The following DNAJC3 variants were observed in gnomAD, a reference collection of about 807,000 sequenced individuals.
DNAJC3 encodes the protein dnaJ homolog subfamily C member 3.
DNAJC3 carries 38 observed loss-of-function variants against 68.6 expected under a neutral mutation model. The observed-to-expected ratio is 0.55, with a 90% CI of 0.43 to 0.73. The LOEUF (loss-of-function observed/expected upper bound fraction) is 0.73, where lower values mean the gene tolerates loss of function less well. Ranked by LOEUF, DNAJC3 falls within the 30% of genes least tolerant of loss-of-function variation. The probability of loss-of-function intolerance (pLI) is 0.00; values close to 1 mark genes in which losing one functional copy is unlikely to be tolerated. For missense variants in DNAJC3, 526 were observed against 591.9 expected (o/e 0.89, Z 1.16); for synonymous variants, 203 against 204.0 (o/e 1.00, Z 0.04).
chr13:95,683,849 CT>C (rs1459440437), intron 1 of DNAJC3, among the ~76,000 whole-genome samples: 1 of 145,184 alleles, frequency 6.9e-6, no homozygotes, highest in Non-Finnish European at 1.5e-5. Flanking sequence ...CAGAGAATTG[CT>C]TAAACCTGGG....
chr13:95,747,261 T>A (rs1025969903), intron 4 of DNAJC3, among the ~76,000 whole-genome samples: 6 of 152,182 alleles, frequency 3.9e-5, no homozygotes, highest in Non-Finnish European at 7.3e-5. Context: ...CAGGCAAATA[T>A]GATATATGAT....
At position 95,727,210 on chromosome 13, in the gene DNAJC3, A is replaced by G. The variant is rs183274931; in HGVS notation, c.393+1958A>G. Among the ~76,000 whole-genome samples the G allele has an allele frequency of 4.0e-5, 6 of 151,886 alleles. No homozygotes were observed. The East Asian group carries it at 1.2e-3, about 29-fold the overall frequency. On this transcript the variant is annotated intron_variant, in intron 4 of 11. Transcript: ENST00000602402. ...GTTACTTAGGTTTTTTTTTTTTCCAATTAAACTTGAGAGTAGTTTTTTAGA... is the reference window on the plus strand; with the variant it reads ...GTTACTTAGGTTTTTTTTTTTTCCAGTTAAACTTGAGAGTAGTTTTTTAGA...
Position 95,792,752 on chromosome 13 carries a change from A to C in DNAJC3, c.*1722A>C, listed in dbSNP as rs1352777008. 6.6e-6 allele frequency: 1 copy of C among 152,204 alleles called. No individual in the cohort carries two copies. Among genetic ancestry groups the C allele is most frequent in the African/African-American group, 2.4e-5 (1 of 41,452 alleles). 9.4% of individuals were successfully genotyped at this position (152,204 alleles called of 1,614,324 possible). ...TAATGTTTCAATTCAAGCCGGTGTA[A>C]AAATAATTTCCAAGGCATTTCTGTT... On this transcript the variant is annotated 3_prime_UTR_variant, in exon 12 of 12. Coordinates refer to ENST00000602402, the MANE Select transcript of DNAJC3 (RefSeq NM_006260.5).
At chr13:95,677,716 G>A (rs1384564723) in intron 1 of DNAJC3, among the ~76,000 whole-genome samples, 1 of 152,238 alleles carries the variant, frequency 6.6e-6, no homozygotes, top group Non-Finnish European at 1.5e-5. Flanking sequence ...TCAGTCATTG[G>A]TGCTGGCTGG....
chr13:95,739,048 G>C (rs1014249541), intron 4 of DNAJC3, among the ~76,000 whole-genome samples: 15 of 152,148 alleles, frequency 9.9e-5, no homozygotes, highest in African/African-American at 3.6e-4. Context: ...GCATTTGCTT[G>C]TCTGTAAAGG....
intron 4 of DNAJC3, among the ~76,000 whole-genome samples, chr13:95,733,770 T>C (rs1343626004): frequency 1.3e-5 from 2 of 150,430 alleles, no homozygotes; most frequent in South Asian, 2.1e-4. Flanking sequence ...TATTTAAATA[T>C]AGCTATTCTT....
At chr13:95,702,042 A>G (rs1566473446) in intron 1 of DNAJC3, among the ~76,000 whole-genome samples, 1 of 152,250 alleles carries the variant, frequency 6.6e-6, no homozygotes, top group African/African-American at 2.4e-5. Context: ...TTAAAAAAAT[A>G]CATTTCAAGA....
intron 9 of DNAJC3, 122 bp from the exon 10 acceptor site, chr13:95,785,817 C>A: frequency 1.1e-6 from 1 of 879,862 alleles, no homozygotes; most frequent in Non-Finnish European, 1.6e-6. Flanking sequence ...AGGTTTTTGG[C>A]AATAATGGCC....
intron 7 of DNAJC3, 115 bp from the exon 8 acceptor site, chr13:95,763,528 A>G: frequency 1.1e-6 from 1 of 923,634 alleles, no homozygotes; most frequent in Non-Finnish European, 1.6e-6. Flanking sequence ...ATCTGAAGCC[A>G]TGGGCTCATC....
intron 1 of DNAJC3, among the ~76,000 whole-genome samples, chr13:95,696,052 T>G (rs935240647): frequency 3.3e-5 from 5 of 152,202 alleles, no homozygotes; most frequent in Non-Finnish European, 5.9e-5. Flanking sequence ...TAAAGAGCCA[T>G]TCCACATGCA....
At chr13:95,696,507 G>T (rs1415691204) in intron 1 of DNAJC3, among the ~76,000 whole-genome samples, 1 of 152,118 alleles carries the variant, frequency 6.6e-6, no homozygotes, top group African/African-American at 2.4e-5. Flanking sequence ...CATGCATTTG[G>T]TATTTTTAAC....
chr13:95,706,807 C>A (rs1385455509), intron 1 of DNAJC3, among the ~76,000 whole-genome samples: 1 of 152,210 alleles, frequency 6.6e-6, no homozygotes, highest in Non-Finnish European at 1.5e-5. Context: ...TGTCCCCTTT[C>A]ACAGGAGAAA....
chr13:95,743,080 G>A, intron 4 of DNAJC3: 1 of 356,588 alleles, frequency 2.8e-6, no homozygotes, highest in Non-Finnish European at 5.5e-6. Context: ...TCAAAAATCA[G>A]TTGGCTGTAC....
chr13:95,773,542 A>G (rs1006031316), intron 9 of DNAJC3, among the ~76,000 whole-genome samples: 1 of 151,990 alleles, frequency 6.6e-6, no homozygotes, highest in African/African-American at 2.4e-5. Context: ...TGTAAGTTAC[A>G]TCTTTTAAGG....
chr13:95,738,708 T>C (rs1310156524), intron 4 of DNAJC3, among the ~76,000 whole-genome samples: 5 of 152,228 alleles, frequency 3.3e-5, no homozygotes, highest in African/African-American at 1.2e-4. Context: ...ATTTTGGGCT[T>C]ATGTGTGTCT....
rs1292968162 is a variant in DNAJC3, at chr13:95,704,849, G to GTTTTTTTT, written c.83-4377_83-4376insTTTTTTTT. 3.2e-4 allele frequency among the ~76,000 whole-genome samples: 33 copies of GTTTTTTTT among 102,870 alleles called. 1 individual carries two copies. The highest frequency in any genetic ancestry group is 2.4e-3 in the African/African-American group (33 of 13,684). The allele number at this position is 102,870 out of a possible 152,430, so 67.5% of individuals were successfully genotyped here. On this transcript the variant is annotated intron_variant, in intron 1 of 11. Transcript: ENST00000602402. Reference sequence around the variant, plus strand: ...TTAGAAAGGACTAATCTGTGTGTGTGTGTTTTTTTTTTTTTTTTTTGAGAC... The same window carrying GTTTTTTTT: ...TTAGAAAGGACTAATCTGTGTGTGTGTTTTTTTTTGTTTTTTTTTTTTTTTTTTGAGAC...
At chr13:95,725,789 G>A (rs1335878153) in intron 4 of DNAJC3, among the ~76,000 whole-genome samples, 5 of 147,910 alleles carry the variant, frequency 3.4e-5, no homozygotes, top group Admixed American at 2.0e-4. Context: ...TCGTCATTTA[G>A]CATTAGGTAT....
intron 1 of DNAJC3, among the ~76,000 whole-genome samples, chr13:95,686,347 C>T (rs908307166): frequency 3.9e-5 from 6 of 152,258 alleles, no homozygotes; most frequent in African/African-American, 1.2e-4. Context: ...AGTCCTTTGT[C>T]GGAGGCATAA....
intron 4 of DNAJC3, among the ~76,000 whole-genome samples, chr13:95,727,669 T>G (rs1881575618): frequency 6.6e-6 from 1 of 152,214 alleles, no homozygotes; most frequent in Non-Finnish European, 1.5e-5. Context: ...TTATCCGTAG[T>G]GTAAAACTAT....
Sources: allele counts gnomAD v4.1 joint callset (sites outside exome capture counted in the v4.1 genomes callset), GRCh38; gene constraint gnomAD v4.1.1; transcripts MANE v1.5; gene names NCBI Gene and HGNC (gene_info 2026-07-23, HGNC 2026-07-21).